The following HP1BP3 variants were observed in gnomAD, a reference collection of about 807,000 sequenced individuals.
HP1BP3 encodes heterochromatin protein 1-binding protein 3.
Under a neutral mutation model 62.5 loss-of-function variants are expected in HP1BP3, and 12 were observed. The ratio of observed to expected loss-of-function variants is 0.19; its 90% confidence interval spans 0.12 to 0.31. The LOEUF (loss-of-function observed/expected upper bound fraction) is 0.31. HP1BP3 is among the 10% of genes least tolerant of loss of function. The probability of loss-of-function intolerance (pLI) is 1.00; values close to 1 mark genes in which losing one functional copy is unlikely to be tolerated. For synonymous variants in HP1BP3, 260 were observed against 237.8 expected (o/e 1.09, Z -0.86); for missense variants, 502 against 651.8 (o/e 0.77, Z 2.50).
chr1:20,775,724 C>T (rs1289264927), intron 4 of HP1BP3: 5 of 366,192 alleles, frequency 1.4e-5, no homozygotes, highest in African/African-American at 1.0e-4. Context: ...AAATACTTAC[C>T]GTTGTGTTAT....
intron 8 of HP1BP3, among the ~76,000 whole-genome samples, chr1:20,762,473 G>A (rs759076192): frequency 6.6e-6 from 1 of 152,140 alleles, no homozygotes; most frequent in Non-Finnish European, 1.5e-5. Context: ...GCTGTGAAAA[G>A]AAAATAAATC....
chr1:20,767,653 T>C lies in HP1BP3; in HGVS notation c.666A>G (p.Lys222=). Residue 222 remains lysine, a synonymous_variant, in exon 7 of 13, where the codon AAA becomes AAG. Coordinates refer to ENST00000438032, the MANE Select transcript of HP1BP3 (RefSeq NM_001372052.1). ...CCACAACAAAACTTCCAGAAGCACC[T>C]TTTCCTTTAACCTAAAGTAAATTAA... The part of the protein sequence containing the change: ...NRGVIKQVKG[K]GASGSFVVVQ... 1 of 1,601,870 alleles carries C rather than the reference T, an allele frequency of 6.2e-7. No individual in the cohort carries two copies. Among genetic ancestry groups the C allele is most frequent in the East Asian group, 2.2e-5 (1 of 44,790 alleles).
intron 8 of HP1BP3, among the ~76,000 whole-genome samples, chr1:20,760,094 G>T (rs566552375): frequency 6.6e-6 from 1 of 152,056 alleles, no homozygotes; most frequent in African/African-American, 2.4e-5. Flanking sequence ...TCACCATGTT[G>T]GCCAGGAAGG....
intron 8 of HP1BP3, among the ~76,000 whole-genome samples, chr1:20,759,160 G>C (rs7515308): frequency 0.41 from 62,771 of 152,034 alleles, 13,256 homozygotes; most frequent in African/African-American, 0.43. Flanking sequence ...CAGAACTCTG[G>C]GGGGCCGAGG....
At chr1:20,745,953 T>C (rs1017016227) in intron 11 of HP1BP3, among the ~76,000 whole-genome samples, 1 of 152,130 alleles carries the variant, frequency 6.6e-6, no homozygotes, top group African/African-American at 2.4e-5. Context: ...TATCTGGCAC[T>C]GTATTAGCCA....
intron 8 of HP1BP3, among the ~76,000 whole-genome samples, chr1:20,763,543 G>A (rs942460792): frequency 6.6e-6 from 1 of 152,162 alleles, no homozygotes; most frequent in Non-Finnish European, 1.5e-5. Context: ...GTACTACACT[G>A]TATCGGGACA....
At chr1:20,782,921 A>C (rs894286366) in intron 1 of HP1BP3, among the ~76,000 whole-genome samples, 6 of 150,712 alleles carry the variant, frequency 4.0e-5, no homozygotes, top group Non-Finnish European at 3.0e-5. Context: ...AAAAAAAAAA[A>C]AAAAAAGAAA....
intron 9 of HP1BP3, among the ~76,000 whole-genome samples, chr1:20,756,098 A>C (rs991886073): frequency 8.5e-5 from 13 of 152,216 alleles, no homozygotes; most frequent in Admixed American, 7.2e-4. Flanking sequence ...AGTTACTGAA[A>C]ATCACTGAGT....
Position 20,758,264 on chromosome 1 carries a change from T to G in HP1BP3, c.891-1008A>C, listed in dbSNP as rs548650431. On this transcript the variant is annotated intron_variant, in intron 8 of 12. Coordinates refer to ENST00000438032, the MANE Select transcript of HP1BP3 (RefSeq NM_001372052.1). The stretch of plus-strand genomic sequence containing the variant: ...GGAACTGAGACTAGTAAGAATAACA[T>G]TAGTTGAACATTTACTAGGTACCAA... Among the ~76,000 whole-genome samples, 6 of 152,338 alleles carry G rather than the reference T, an allele frequency of 3.9e-5. No homozygotes were observed. The South Asian group carries it at 1.0e-3, about 26-fold the overall frequency.
chr1:20,765,314 C>A, intron 8 of HP1BP3, 63 bp downstream of exon 8: 2 of 1,097,706 alleles, frequency 1.8e-6, no homozygotes, highest in Non-Finnish European at 1.3e-6. Flanking sequence ...TCTCTTTTCC[C>A]ATGAAAAGGG....
Position 20,744,601 on chromosome 1 carries a change from A to C in HP1BP3, c.*196T>G, listed in dbSNP as rs2055193349. ...ATTATTGCAGAAATTAAAATGAACA[A>C]GGAAAAGGGCAGGCACCAATAAAAG... On this transcript the variant is annotated 3_prime_UTR_variant, in exon 13 of 13. Coordinates refer to ENST00000438032, the MANE Select transcript of HP1BP3 (RefSeq NM_001372052.1). 1.8e-6 allele frequency: 1 copy of C among 571,382 alleles called. No homozygotes were observed. The highest frequency in any genetic ancestry group is 3.1e-6 in the Non-Finnish European group (1 of 327,526). The allele number at this position is 571,382 out of a possible 1,614,324, so 35.4% of individuals were successfully genotyped here. A position where few individuals can be genotyped will look rare whatever the true frequency, so the allele number is the denominator to read the frequency against.
chr1:20,741,400 G>A lies in HP1BP3; in HGVS notation c.*3397C>T, dbSNP rs2055078642. On this transcript the variant is annotated 3_prime_UTR_variant, in exon 13 of 13. Transcript: ENST00000438032. ...CCTTGACAAGGGCTAACAAAATTTG[G>A]AAAAACAGCAATGATGAAAAAACAA... Among the ~76,000 whole-genome samples, 1 of 152,108 alleles carries A rather than the reference G, an allele frequency of 6.6e-6. No homozygotes were observed. Among genetic ancestry groups the A allele is most frequent in the Non-Finnish European group, 1.5e-5 (1 of 68,008 alleles).
chr1:20,771,658 T>C lies in HP1BP3; in HGVS notation c.511-585A>G, dbSNP rs1283548349. On this transcript the variant is annotated intron_variant, in intron 5 of 12. Transcript: ENST00000438032. ...CATTTCCATCCTATTTTACTTATAC[T>C]CCATTTGACTAATGCACCTGGAAGA... is the stretch of plus-strand genomic sequence containing the variant. Among the ~76,000 whole-genome samples the C allele has an allele frequency of 2.0e-5, 3 of 152,322 alleles. No individual in the cohort carries two copies. In the East Asian group the frequency reaches 5.8e-4, roughly 29 times the overall value.
intron 9 of HP1BP3, among the ~76,000 whole-genome samples, chr1:20,756,354 G>T (rs1287590358): frequency 6.6e-6 from 1 of 152,018 alleles, no homozygotes; most frequent in Non-Finnish European, 1.5e-5. Flanking sequence ...TGTTATGCTA[G>T]ATGTTAAAGA....
intron 9 of HP1BP3, chr1:20,750,370 C>G (rs923830539): frequency 1.1e-5 from 1 of 88,782 alleles, no homozygotes; most frequent in Admixed American, 1.1e-4. Context: ...CACACACACA[C>G]ACACACACAA....
intron 8 of HP1BP3, among the ~76,000 whole-genome samples, chr1:20,761,582 A>G (rs1405721891): frequency 6.6e-6 from 1 of 152,102 alleles, no homozygotes; most frequent in African/African-American, 2.4e-5. Flanking sequence ...CCAAGTGCTG[A>G]TGCTGAACAG....
At chr1:20,751,008 G>C (rs889268241) in intron 9 of HP1BP3, among the ~76,000 whole-genome samples, 9 of 151,678 alleles carry the variant, frequency 5.9e-5, no homozygotes, top group African/African-American at 1.9e-4. Flanking sequence ...GTAGAGACAC[G>C]GTTTCACCAT....
In HP1BP3 at chr1:20,780,412, A is replaced by G; in HGVS notation, c.29T>C (p.Leu10Pro). 6.2e-7 allele frequency: 1 copy of G among 1,613,882 alleles called. No individual in the cohort carries two copies. Among genetic ancestry groups the G allele is most frequent in the South Asian group, 1.1e-5 (1 of 91,078 alleles). Reference sequence around the variant, plus strand: ...AAGTGGGAGTGCCTTAGGATGGACGAGTTCACCTTGAGACGTATCAGTCGC... The same window carrying G: ...AAGTGGGAGTGCCTTAGGATGGACGGGTTCACCTTGAGACGTATCAGTCGC... Reference protein sequence around the residue: MATDTSQGELVHPKALPLIV... With the variant: MATDTSQGEPVHPKALPLIV... The change falls in exon 2 of 13, where the codon CTC becomes CCC. Residue 10 changes from leucine (L) to proline (P), a missense_variant. By Grantham distance (98) the Leu-to-Pro change is moderately conservative. Around this residue, in one of 5 missense-constraint regions of HP1BP3, gnomAD observed 165 missense variants for 156.4 expected, o/e 1.05. Coordinates refer to ENST00000438032, the MANE Select transcript of HP1BP3 (RefSeq NM_001372052.1).
chr1:20,770,322 T>C lies in HP1BP3; in HGVS notation c.654+608A>G, dbSNP rs2056999134. ...CTAAGACAAGGGCAATTATTATTTC[T>C]GTTATTCCTTTTTGTTTTCAGACAG... On this transcript the variant is annotated intron_variant, in intron 6 of 12. Coordinates refer to ENST00000438032, the MANE Select transcript of HP1BP3 (RefSeq NM_001372052.1). Among the ~76,000 whole-genome samples, 4 of 152,326 alleles carry C rather than the reference T, an allele frequency of 2.6e-5. No homozygotes were observed. In the South Asian group the frequency reaches 8.3e-4, roughly 32 times the overall value.
Sources: gnomAD v4.1 joint callset for allele counts (sites outside exome capture counted in the v4.1 genomes callset) on GRCh38, gnomAD v4.1.1 for gene constraint, gnomAD v4.1.1 regional missense constraint, MANE v1.5 for transcripts, NCBI Gene and HGNC (gene_info 2026-07-23, HGNC 2026-07-21) for gene names.